The following OSBPL10 variants were observed in gnomAD, a reference collection of about 807,000 sequenced individuals.
The protein encoded by OSBPL10 is oxysterol binding protein like 10, also known as oxysterol-binding protein-related protein 10.
A neutral mutation model predicts 81.7 loss-of-function variants in OSBPL10; 49 were observed. The ratio of observed to expected loss-of-function variants is 0.60; its 90% CI spans 0.48 to 0.76. The LOEUF (loss-of-function observed/expected upper bound fraction) is 0.76. Among genes scored for constraint, OSBPL10 ranks in the 30% least tolerant of loss-of-function variants. The pLI is 0.00. For synonymous variants in OSBPL10, 419 were observed against 383.6 expected (o/e 1.09, Z -1.08); for missense variants, 923 against 987.8 (o/e 0.93, Z 0.88).
At chr3:32,042,375 T>G (rs1213422898) in intron 2 of OSBPL10, among the ~76,000 whole-genome samples, 1 of 152,254 alleles carries the variant, frequency 6.6e-6, no homozygotes, top group Non-Finnish European at 1.5e-5. Context: ...CTGTTTATTA[T>G]GCAGCAGTGG....
intron 4 of OSBPL10, among the ~76,000 whole-genome samples, chr3:31,757,651 T>C (rs764410513): frequency 6.6e-6 from 1 of 152,204 alleles, no homozygotes; most frequent in Non-Finnish European, 1.5e-5. Context: ...CTTTTAATGA[T>C]TGCATGTATA....
At chr3:31,794,487 G>T in intron 4 of OSBPL10, 1 of 246,688 alleles carries the variant, frequency 4.1e-6, no homozygotes, top group East Asian at 1.1e-4. Flanking sequence ...TGGTTGTGCT[G>T]AGGCTCCTAG....
At chr3:32,014,450 A>T (rs932088003) in intron 2 of OSBPL10, among the ~76,000 whole-genome samples, 3 of 152,222 alleles carry the variant, frequency 2.0e-5, no homozygotes, top group Non-Finnish European at 4.4e-5. Flanking sequence ...GTATCTTAAA[A>T]TAATAAGAGC....
chr3:31,970,666 T>A (rs575967326), intron 1 of OSBPL10, among the ~76,000 whole-genome samples: 1 of 152,360 alleles, frequency 6.6e-6, no homozygotes, highest in East Asian at 1.9e-4. Context: ...TTTTAAAGAT[T>A]AAATTGGATA....
intron 3 of OSBPL10, among the ~76,000 whole-genome samples, chr3:31,834,691 A>C (rs1700325930): frequency 6.6e-6 from 1 of 152,220 alleles, no homozygotes. Flanking sequence ...ACTAGAAAGA[A>C]TCTGTCCAAT....
At chr3:31,991,873 A>C (rs542466548) in intron 2 of OSBPL10, among the ~76,000 whole-genome samples, 1 of 152,100 alleles carries the variant, frequency 6.6e-6, no homozygotes, top group African/African-American at 2.4e-5. Context: ...TAAAAAAAAA[A>C]AAATGCCAGG....
At chr3:31,693,830 T>C (rs1238781975) in intron 7 of OSBPL10, among the ~76,000 whole-genome samples, 1 of 152,180 alleles carries the variant, frequency 6.6e-6, no homozygotes, top group Non-Finnish European at 1.5e-5. Context: ...TGCAGTGGTA[T>C]GATCATAGCT....
chr3:32,029,361 G>A (rs1396350134), intron 2 of OSBPL10, among the ~76,000 whole-genome samples: 2 of 152,004 alleles, frequency 1.3e-5, no homozygotes, highest in Non-Finnish European at 2.9e-5. Flanking sequence ...TGCACAACGT[G>A]CAGGTTTGTT....
chr3:31,741,953 A>G (rs1162983402), intron 5 of OSBPL10, among the ~76,000 whole-genome samples: 2 of 152,248 alleles, frequency 1.3e-5, no homozygotes, highest in South Asian at 2.1e-4. Context: ...GCCTTCTGCC[A>G]TAATTGTGAG....
intron 6 of OSBPL10, chr3:31,704,044 C>T (rs1431264042): frequency 6.6e-6 from 1 of 152,248 alleles, no homozygotes; most frequent in Admixed American, 6.5e-5. Flanking sequence ...ACACAGGAGC[C>T]CAGCACTTAC....
At chr3:31,726,090 C>T (rs1696799442) in intron 6 of OSBPL10, among the ~76,000 whole-genome samples, 1 of 152,090 alleles carries the variant, frequency 6.6e-6, no homozygotes, top group Non-Finnish European at 1.5e-5. Flanking sequence ...ACTGTATTTT[C>T]TCTTGCTGAC....
Position 31,991,022 on chromosome 3 carries a change from AT to A in OSBPL10, n.298+55468del, listed in dbSNP as rs201417413. 2,629 of 1,509,324 alleles carry A rather than the reference AT, an allele frequency of 1.7e-3. 55 individuals are homozygous for A. The African/African-American group carries it at 0.033, about 19-fold the overall frequency. The allele number at this position is 1,509,324 out of a possible 1,614,324, so 93.5% of individuals were successfully genotyped here. A position where few individuals can be genotyped will look rare whatever the true frequency, so the allele number is the denominator to read the frequency against. ...CATCAGAAAATTCATTCCTGAGATA[AT>A]TGTTCCAAATGCAATGAGTATAGCA... On this transcript the variant is annotated intron_variant and non_coding_transcript_variant, in intron 2 of 3. Transcript: ENST00000479173.
At chr3:31,761,815 A>T (rs1291965533) in intron 4 of OSBPL10, among the ~76,000 whole-genome samples, 2 of 30,936 alleles carry the variant, frequency 6.5e-5, no homozygotes, top group Non-Finnish European at 1.7e-4. Context: ...ACTGTCTCTA[A>T]AAAAAAAAAA....
rs562632032 is a variant in OSBPL10, at chr3:31,890,074, G to A, written c.282-10244C>T. Among the ~76,000 whole-genome samples, 15 of 151,812 alleles carry A rather than the reference G, an allele frequency of 9.9e-5. No homozygotes were observed. The East Asian group carries it at 1.7e-3, about 18-fold the overall frequency. On this transcript the variant is annotated intron_variant, in intron 1 of 11. Coordinates refer to ENST00000396556, the MANE Select transcript of OSBPL10 (RefSeq NM_017784.5). The stretch of plus-strand genomic sequence containing the variant: ...GGATCTTTGTGAAGGTCAGGAAGTC[G>A]GAAATGTGAATTTCAAGAAGTTTTC...
intron 4 of OSBPL10, among the ~76,000 whole-genome samples, chr3:31,770,532 A>C (rs1259627381): frequency 6.6e-6 from 1 of 152,174 alleles, no homozygotes; most frequent in Non-Finnish European, 1.5e-5. Flanking sequence ...CACGCCTATA[A>C]TCTCAACACT....
At chr3:31,985,640 C>T (rs911724546), upstream of OSBPL10, among the ~76,000 whole-genome samples, 2 of 152,064 alleles carry the variant, frequency 1.3e-5, no homozygotes, top group Non-Finnish European at 2.9e-5. Flanking sequence ...ACTTCATTGG[C>T]CAGATGACAG....
At chr3:31,953,855 G>C (rs1697937134) in intron 1 of OSBPL10, among the ~76,000 whole-genome samples, 1 of 152,222 alleles carries the variant, frequency 6.6e-6, no homozygotes, top group Non-Finnish European at 1.5e-5. Context: ...GTGTGACAGA[G>C]AGACAGAGAC....
intron 4 of OSBPL10, among the ~76,000 whole-genome samples, chr3:31,802,517 G>C (rs1299345765): frequency 8.0e-6 from 1 of 124,876 alleles, no homozygotes; most frequent in Non-Finnish European, 1.6e-5. Flanking sequence ...AGTGAGCCAA[G>C]ATCATGCGCC....
In OSBPL10 at chr3:31,734,722, T is replaced by C. The variant is rs149457793; in HGVS notation, c.941-1311A>G. Among the ~76,000 whole-genome samples, 1,283 of 152,178 alleles carry C rather than the reference T, an allele frequency of 8.4e-3. 18 individuals are homozygous for C. The highest frequency in any genetic ancestry group is 0.019 in the African/African-American group (775 of 41,522). On this transcript the variant is annotated intron_variant, in intron 5 of 11. Transcript: ENST00000396556. ...CACTGCACTCCAGCCTTGGTGACAATGCAAGACACTGTCTCCAAAAAAGCT... is the reference window on the plus strand; with the variant it reads ...CACTGCACTCCAGCCTTGGTGACAACGCAAGACACTGTCTCCAAAAAAGCT...
Sources: allele counts gnomAD v4.1 joint callset (sites outside exome capture counted in the v4.1 genomes callset), GRCh38; gene constraint gnomAD v4.1.1; transcripts MANE v1.5; gene names NCBI Gene and HGNC (gene_info 2026-07-23, HGNC 2026-07-21).